The following RGS21 variants were observed in gnomAD, a reference collection of about 807,000 sequenced individuals.
The protein encoded by RGS21 is regulator of G-protein signalling 21.
In RGS21, 19 loss-of-function variants were observed where a neutral mutation model predicts 18.7. That is an observed-to-expected ratio of 1.01 (90% CI 0.71 to 1.49). The LOEUF (loss-of-function observed/expected upper bound fraction) is 1.49, where lower values mean the gene tolerates loss of function less well. RGS21 is among the 40% of genes most tolerant of loss of function. The pLI is 0.00. For synonymous variants in RGS21, 56 were observed against 57.8 expected (o/e 0.97, Z 0.14); for missense variants, 194 against 176.8 (o/e 1.10, Z -0.55).
At chr1:192,355,649 G>T (rs1196399269) in intron 4 of RGS21, among the ~76,000 whole-genome samples, 1 of 151,328 alleles carries the variant, frequency 6.6e-6, no homozygotes, top group African/African-American at 2.4e-5. Context: ...TAATAATGTG[G>T]GAGTGGCAAA....
At chr1:192,342,901 A>G in intron 1 of RGS21, 76 bp from the exon 2 acceptor site, 1 of 809,974 alleles carries the variant, frequency 1.2e-6, no homozygotes, top group Non-Finnish European at 2.1e-6. Context: ...CAGAATTTAA[A>G]GAATGCCAAT....
At chr1:192,342,930 G>T in intron 1 of RGS21, 47 bp from the exon 2 acceptor site, 1 of 1,075,934 alleles carries the variant, frequency 9.3e-7, no homozygotes, top group Non-Finnish European at 1.4e-6. Flanking sequence ...CAGGGGATAG[G>T]TATTCGCATA....
intron 4 of RGS21, among the ~76,000 whole-genome samples, chr1:192,363,023 C>T (rs1659207463): frequency 6.6e-6 from 1 of 151,940 alleles, no homozygotes; most frequent in Non-Finnish European, 1.5e-5. Flanking sequence ...GACAAAAAGA[C>T]TTGTGAAAGA....
At chr1:192,359,037 T>A (rs1345029863) in intron 4 of RGS21, among the ~76,000 whole-genome samples, 2 of 152,104 alleles carry the variant, frequency 1.3e-5, no homozygotes, top group Admixed American at 1.3e-4. Context: ...CTCTAAATGG[T>A]TGTGATGACA....
intron 1 of RGS21, among the ~76,000 whole-genome samples, chr1:192,333,908 C>A (rs974162546): frequency 6.6e-6 from 1 of 152,104 alleles, no homozygotes; most frequent in Admixed American, 6.6e-5. Flanking sequence ...TGCAAAGGAT[C>A]TGAAACCTGT....
chr1:192,354,102 T>C (rs1028954304), intron 4 of RGS21, among the ~76,000 whole-genome samples: 9 of 151,768 alleles, frequency 5.9e-5, no homozygotes, highest in South Asian at 2.1e-4. Context: ...TATTTCTCTA[T>C]AGTTCATCAG....
chr1:192,359,632 TA>T (rs1659155433), intron 4 of RGS21, among the ~76,000 whole-genome samples: 1 of 140,426 alleles, frequency 7.1e-6, no homozygotes, highest in South Asian at 2.2e-4. Flanking sequence ...TGTATGTATA[TA>T]TATGTTTATA....
intron 1 of RGS21, among the ~76,000 whole-genome samples, chr1:192,333,204 C>G (rs2102225850): frequency 6.6e-6 from 1 of 151,556 alleles, no homozygotes; most frequent in African/African-American, 2.4e-5. Context: ...AACAGTGCAC[C>G]TCTCATACAC....
At chr1:192,349,791 G>T (rs1397411563) in intron 3 of RGS21, among the ~76,000 whole-genome samples, 2 of 152,088 alleles carry the variant, frequency 1.3e-5, no homozygotes, top group East Asian at 3.9e-4. Context: ...ATCATTAAAA[G>T]TGGAGAGCAA....
At chr1:192,319,151 AG>A (rs1188281682) in intron 1 of RGS21, among the ~76,000 whole-genome samples, 15 of 152,112 alleles carry the variant, frequency 9.9e-5, no homozygotes, top group Non-Finnish European at 2.9e-5. Flanking sequence ...TGGGAGGCTG[AG>A]GAGGGAAGTG....
chr1:192,363,384 C>G (rs1659213493), intron 4 of RGS21, among the ~76,000 whole-genome samples: 1 of 152,072 alleles, frequency 6.6e-6, no homozygotes, highest in South Asian at 2.1e-4. Flanking sequence ...TGCTTAACCA[C>G]TAGGGGAAAT....
At chr1:192,339,506 A>G (rs1658824623) in intron 1 of RGS21, among the ~76,000 whole-genome samples, 1 of 151,534 alleles carries the variant, frequency 6.6e-6, no homozygotes, top group Non-Finnish European at 1.5e-5. Context: ...TTATGTATTG[A>G]TTTTCCTAAC....
At chr1:192,348,019 T>C (rs558913089) in intron 3 of RGS21, among the ~76,000 whole-genome samples, 34 of 149,780 alleles carry the variant, frequency 2.3e-4, no homozygotes, top group African/African-American at 8.2e-4. Flanking sequence ...CATATATATA[T>C]GTATTTTTTT....
chr1:192,344,008 A>AT (rs922849747), intron 2 of RGS21, among the ~76,000 whole-genome samples: 3 of 151,966 alleles, frequency 2.0e-5, no homozygotes, highest in Non-Finnish European at 4.4e-5. Context: ...ATATAGTTAC[A>AT]TTTTTTAAAA....
Position 192,322,983 on chromosome 1 carries a change from G to A in RGS21, c.-61+5878G>A, listed in dbSNP as rs138214261. On this transcript the variant is annotated intron_variant, in intron 1 of 4. Transcript: ENST00000417209. ...TGATGATGTAAAATATTAAGGGGGC[G>A]GGGATGGATGAAGCATCTATCTGGA... Among the ~76,000 whole-genome samples the A allele has an allele frequency of 5.2e-3, 784 of 152,162 alleles. 7 individuals are homozygous for A. The highest frequency in any genetic ancestry group is 0.018 in the African/African-American group (755 of 41,512).
chr1:192,331,883 A>C (rs1022994729), intron 1 of RGS21, among the ~76,000 whole-genome samples: 37 of 152,052 alleles, frequency 2.4e-4, no homozygotes, highest in Non-Finnish European at 1.5e-5. Context: ...AAATGAATGA[A>C]CATTGCATAT....
intron 4 of RGS21, among the ~76,000 whole-genome samples, chr1:192,363,267 A>C (rs1482231613): frequency 6.6e-6 from 1 of 152,060 alleles, no homozygotes; most frequent in African/African-American, 2.4e-5. Flanking sequence ...GTTCAGTTAC[A>C]ACAACAACAA....
chr1:192,324,450 A>G (rs1214562630), intron 1 of RGS21, among the ~76,000 whole-genome samples: 2 of 152,240 alleles, frequency 1.3e-5, no homozygotes, highest in South Asian at 2.1e-4. Context: ...GTAGAATTGA[A>G]CTGAGTATCA....
intron 1 of RGS21, among the ~76,000 whole-genome samples, chr1:192,338,056 G>A (rs1571454321): frequency 6.6e-6 from 1 of 152,084 alleles, no homozygotes; most frequent in Admixed American, 6.6e-5. Context: ...AGCAAGTAAT[G>A]CAACAAATTT....
Sources: gnomAD v4.1 joint callset for allele counts (sites outside exome capture counted in the v4.1 genomes callset) on GRCh38, gnomAD v4.1.1 for gene constraint, MANE v1.5 for transcripts, NCBI Gene and HGNC (gene_info 2026-07-23, HGNC 2026-07-21) for gene names.